Variants in CLCN5 observed in about 807,000 individuals in gnomAD.
CLCN5 encodes H(+)/Cl(-) exchange transporter 5.
Under a neutral mutation model 54.0 loss-of-function variants are expected in CLCN5, and 17 were observed. That is an observed-to-expected ratio of 0.31 (90% CI 0.22 to 0.47). The LOEUF is 0.47. Among genes scored for constraint, CLCN5 ranks in the 20% least tolerant of loss-of-function variants. The probability of loss-of-function intolerance (pLI) is 1.00; values close to 1 mark genes in which losing one functional copy is unlikely to be tolerated. For missense variants in CLCN5, 448 were observed against 646.7 expected, an observed-to-expected ratio of 0.69 and a Z score of 3.33; for synonymous variants, 222 against 233.0, an observed-to-expected ratio of 0.95 and a Z score of 0.43.
At chrX:50,073,649 G>A (rs782294319) in intron 6 of CLCN5, among the ~76,000 whole-genome samples, 91 of 112,003 alleles carry the variant, frequency 8.1e-4, no homozygotes, top group Non-Finnish European at 1.5e-3. Context: ...GAATGTGACT[G>A]TAGCAAATGA....
intron 3 of CLCN5, among the ~76,000 whole-genome samples, chrX:49,952,249 A>G (rs782174277): frequency 3.6e-5 from 4 of 110,557 alleles, no homozygotes; most frequent in South Asian, 3.9e-4. Context: ...ACAGTGGGGG[A>G]AAAAAATACT....
At chrX:50,013,986 T>C (rs933590103) in intron 3 of CLCN5, among the ~76,000 whole-genome samples, 4 of 112,327 alleles carry the variant, frequency 3.6e-5, no homozygotes, top group Non-Finnish European at 7.5e-5. Context: ...CCGACCTTAC[T>C]GTCTAGCAGG....
intron 3 of CLCN5, among the ~76,000 whole-genome samples, chrX:50,004,811 G>A (rs1930070717): frequency 1.8e-5 from 2 of 111,425 alleles, no homozygotes; most frequent in African/African-American, 6.5e-5. Flanking sequence ...TCGGGAGGCT[G>A]AGGCAGGAGA....
In CLCN5 at chrX:50,090,677, T is replaced by C. The variant is rs782173038; in HGVS notation, c.2151T>C (p.Ala717=). 1.7e-6 allele frequency: 2 copies of C among 1,207,307 alleles called. No individual in the cohort carries two copies. Among genetic ancestry groups the C allele is most frequent in the Non-Finnish European group, 2.2e-6 (2 of 892,886 alleles). ...RRDLIISIEN[A]RKKQDGVVST... The stretch of plus-strand genomic sequence containing the variant: ...TTCCTTCTGTTTGAATAGAAAATGC[T>C]CGAAAGAAACAGGATGGGGTTGTTA... The change falls in exon 14 of 15, where the codon GCT becomes GCC. Residue 717 remains alanine, a synonymous_variant. Transcript: ENST00000376091.
intron 3 of CLCN5, among the ~76,000 whole-genome samples, chrX:49,925,869 A>ATG (rs1390797352): frequency 8.9e-6 from 1 of 112,595 alleles, no homozygotes; most frequent in Non-Finnish European, 1.9e-5. Flanking sequence ...ATCTTAGCTG[A>ATG]TGTATTACAT....
intron 3 of CLCN5, among the ~76,000 whole-genome samples, chrX:50,000,139 C>T (rs782651428): frequency 2.2e-4 from 24 of 109,520 alleles, no homozygotes; most frequent in South Asian, 1.2e-3. Flanking sequence ...TTTCCCCATC[C>T]GCCTCCTGCT....
chrX:49,939,856 C>T (rs188075295), intron 3 of CLCN5, among the ~76,000 whole-genome samples: 55 of 111,437 alleles, frequency 4.9e-4, no homozygotes, highest in African/African-American at 1.7e-3. Context: ...TTTATCACTT[C>T]CTTTAAATTC....
chrX:49,963,154 A>G (rs782234821), intron 3 of CLCN5, among the ~76,000 whole-genome samples: 3 of 112,096 alleles, frequency 2.7e-5, no homozygotes, highest in African/African-American at 6.5e-5. Context: ...GAGAATGAAC[A>G]AGTCATGTTA....
intron 12 of CLCN5, among the ~76,000 whole-genome samples, 183 bp from the exon 13 acceptor site, chrX:50,089,933 A>G (rs1934030368): frequency 9.0e-6 from 1 of 111,725 alleles, no homozygotes; most frequent in Non-Finnish European, 1.9e-5. Flanking sequence ...CTTCTTGTAG[A>G]TGTTATTTTG....
At chrX:49,998,713 G>A (rs1377265256) in intron 3 of CLCN5, among the ~76,000 whole-genome samples, 1 of 111,130 alleles carries the variant, frequency 9.0e-6, no homozygotes, top group Non-Finnish European at 1.9e-5. Flanking sequence ...TCCACCACTC[G>A]TCTATATGTC....
At chrX:50,091,305 A>G (rs1426476228) in intron 14 of CLCN5, among the ~76,000 whole-genome samples, 1 of 111,933 alleles carries the variant, frequency 8.9e-6, no homozygotes, top group Non-Finnish European at 1.9e-5. Flanking sequence ...TCCAGCTAAT[A>G]AATAGTAGAG....
At chrX:49,966,572 A>T (rs782673541) in intron 3 of CLCN5, among the ~76,000 whole-genome samples, 8 of 67,563 alleles carry the variant, frequency 1.2e-4, no homozygotes, top group South Asian at 1.3e-3. Context: ...TATCTCATTG[A>T]TTTTTATATC....
intron 3 of CLCN5, among the ~76,000 whole-genome samples, chrX:50,033,372 T>C (rs1213778027): frequency 1.8e-5 from 2 of 110,670 alleles, no homozygotes; most frequent in Non-Finnish European, 3.8e-5. Flanking sequence ...TATACACCAA[T>C]AACAGACAAA....
chrX:49,985,091 T>G (rs782372887), intron 3 of CLCN5, among the ~76,000 whole-genome samples: 1 of 111,431 alleles, frequency 9.0e-6, no homozygotes, highest in African/African-American at 3.3e-5. Context: ...AACTAAAATA[T>G]ATCTTTAAGG....
chrX:49,995,645 A>G (rs782633357), intron 3 of CLCN5, among the ~76,000 whole-genome samples: 2 of 112,264 alleles, frequency 1.8e-5, no homozygotes, highest in African/African-American at 3.2e-5. Context: ...CATTCTGCCA[A>G]TCTACCAAAT....
At chrX:50,067,510 T>C in intron 4 of CLCN5, 5 of 598,236 alleles carry the variant, frequency 8.4e-6, no homozygotes, top group Non-Finnish European at 1.0e-5. Context: ...AAATCTTCCT[T>C]TCTCCCAGGC....
At chrX:49,940,027 C>T (rs1194806929) in intron 3 of CLCN5, among the ~76,000 whole-genome samples, 3 of 111,666 alleles carry the variant, frequency 2.7e-5, no homozygotes, top group African/African-American at 9.8e-5. Flanking sequence ...TTGCATCCCA[C>T]TGTATATGGA....
intron 3 of CLCN5, among the ~76,000 whole-genome samples, chrX:50,005,030 G>T (rs1930084169): frequency 8.9e-6 from 1 of 111,998 alleles, no homozygotes. Flanking sequence ...ATTGCATTTG[G>T]TTGATATGTA....
intron 4 of CLCN5, 79 bp from the exon 5 acceptor site, chrX:50,069,800 G>A (rs913587303): frequency 3.3e-5 from 36 of 1,103,420 alleles, no homozygotes; most frequent in South Asian, 7.0e-5. Flanking sequence ...TTAAGGGCCC[G>A]CCTTTTGGAA....
Sources: allele counts gnomAD v4.1 joint callset (sites outside exome capture counted in the v4.1 genomes callset), GRCh38; gene constraint gnomAD v4.1.1; transcripts MANE v1.5; gene names NCBI Gene and HGNC (gene_info 2026-07-23, HGNC 2026-07-21).